Variants in ZMAT2 observed in about 807,000 individuals in gnomAD.
ZMAT2 encodes the protein zinc finger matrin-type 2.
Under a neutral mutation model 27.5 loss-of-function variants are expected in ZMAT2, and 5 were observed. The ratio of observed to expected loss-of-function variants is 0.18; its 90% CI spans 0.10 to 0.38. The LOEUF (loss-of-function observed/expected upper bound fraction) is 0.38. Among genes scored for constraint, ZMAT2 ranks in the 10% least tolerant of loss-of-function variants. ZMAT2 has a pLI of 1.00. For missense variants in ZMAT2, 124 were observed against 243.9 expected (o/e 0.51, Z 3.27); for synonymous variants, 76 against 78.6 (o/e 0.97, Z 0.17).
intron 4 of ZMAT2, 91 bp downstream of exon 4, chr5:140,704,082 A>G: frequency 4.1e-6 from 5 of 1,234,198 alleles, no homozygotes; most frequent in Non-Finnish European, 5.9e-6. Context: ...TCTTCTTTTT[A>G]CTCATCAAAA....
At chr5:140,703,865 A>G in intron 3 of ZMAT2, 53 bp from the exon 4 acceptor site, 14 of 1,556,092 alleles carry the variant, frequency 9.0e-6, no homozygotes, top group Non-Finnish European at 1.1e-5. Context: ...TTGGTTGAAA[A>G]TGATAAGATC....
At chr5:140,701,610 T>A (rs114464886) in intron 2 of ZMAT2, among the ~76,000 whole-genome samples, 138 of 152,306 alleles carry the variant, frequency 9.1e-4, no homozygotes, top group African/African-American at 3.2e-3. Context: ...TGGTCCCCTT[T>A]TATAAATTTG....
chr5:140,705,099 A>G (rs898291154), intron 5 of ZMAT2, among the ~76,000 whole-genome samples: 4 of 152,182 alleles, frequency 2.6e-5, no homozygotes, highest in African/African-American at 9.7e-5. Context: ...TACTTGAAGT[A>G]CAGTTTCAAA....
In ZMAT2 at chr5:140,701,747, C is replaced by T. The variant is rs548215329; in HGVS notation, c.113-259C>T. 1.1e-4 allele frequency among the ~76,000 whole-genome samples: 16 copies of T among 152,310 alleles called. No homozygotes were observed. In the East Asian group the frequency reaches 2.7e-3, roughly 26 times the overall value. ...TCTTCAGAAATTCTCCCCCACAATT[C>T]AGTTAATCAATGAATATAAAACATA... On this transcript the variant is annotated intron_variant, in intron 2 of 5. Transcript: ENST00000274712.
chr5:140,705,472 C>G (rs1396032230), intron 5 of ZMAT2, 141 bp from the exon 6 acceptor site: 11 of 965,194 alleles, frequency 1.1e-5, no homozygotes, highest in Non-Finnish European at 1.6e-5. Flanking sequence ...GCCTCAATAT[C>G]CCCATATTAG....
chr5:140,702,481 C>A (rs974434143), intron 3 of ZMAT2, among the ~76,000 whole-genome samples: 8 of 152,108 alleles, frequency 5.3e-5, no homozygotes, highest in African/African-American at 1.9e-4. Flanking sequence ...ATTAAAAAAA[C>A]CAAAACAAAC....
intron 4 of ZMAT2, among the ~76,000 whole-genome samples, 188 bp downstream of exon 4, chr5:140,704,179 C>G (rs1375402131): frequency 6.6e-6 from 1 of 151,998 alleles, no homozygotes; most frequent in African/African-American, 2.4e-5. Flanking sequence ...CACAGGCCGT[C>G]TTTTACTTCA....
At chr5:140,701,910 T>C in intron 2 of ZMAT2, 96 bp from the exon 3 acceptor site, 1 of 1,446,358 alleles carries the variant, frequency 6.9e-7, no homozygotes, top group Non-Finnish European at 9.3e-7. Context: ...GATTTTGAAA[T>C]GAGTAAGACC....
chr5:140,703,869 T>G, intron 3 of ZMAT2, 49 bp from the exon 4 acceptor site: 1 of 1,562,896 alleles, frequency 6.4e-7, no homozygotes, highest in Non-Finnish European at 8.8e-7. Context: ...TTGAAAATGA[T>G]AAGATCCTTA....
chr5:140,703,858 G>A, intron 3 of ZMAT2, 60 bp from the exon 4 acceptor site: 1 of 1,536,820 alleles, frequency 6.5e-7, no homozygotes, highest in Non-Finnish European at 9.0e-7. Context: ...GAGTTTCTTG[G>A]TTGAAAATGA....
chr5:140,702,252 CTATCTT>C, intron 3 of ZMAT2, 123 bp downstream of exon 3: 2 of 1,261,074 alleles, frequency 1.6e-6, no homozygotes, highest in Non-Finnish European at 2.2e-6. Flanking sequence ...GCCTGTAATT[CTATCTT>C]TATATTTGTT....
chr5:140,705,084 A>G (rs1760033798), intron 5 of ZMAT2, among the ~76,000 whole-genome samples: 1 of 152,210 alleles, frequency 6.6e-6, no homozygotes, highest in African/African-American at 2.4e-5. Flanking sequence ...CAATGGTTGT[A>G]TGGATACTTG....
chr5:140,704,420 A>G lies in ZMAT2; in HGVS notation c.311-6A>G, dbSNP rs774125440. Reference sequence around the variant, plus strand: ...ACTTGCCTTCTTCACTGTTGACCCTATGCAGATCAGAGAAACCTGGGCATG... The same window carrying G: ...ACTTGCCTTCTTCACTGTTGACCCTGTGCAGATCAGAGAAACCTGGGCATG... On this transcript the variant is annotated splice_region_variant and splice_polypyrimidine_tract_variant and intron_variant, in intron 4 of 5. Coordinates refer to ENST00000274712, the MANE Select transcript of ZMAT2 (RefSeq NM_144723.3). The G allele has an allele frequency of 1.1e-5, 18 of 1,612,782 alleles. No individual in the cohort carries two copies. In the South Asian group the frequency reaches 1.3e-4, roughly 12 times the overall value.
intron 5 of ZMAT2, among the ~76,000 whole-genome samples, chr5:140,705,098 T>C (rs147488500): frequency 2.8e-4 from 43 of 152,314 alleles, no homozygotes; most frequent in Admixed American, 7.2e-4. Flanking sequence ...ATACTTGAAG[T>C]ACAGTTTCAA....
chr5:140,703,866 T>C (rs771129982), intron 3 of ZMAT2, 52 bp from the exon 4 acceptor site: 37 of 1,557,950 alleles, frequency 2.4e-5, no homozygotes, highest in Middle Eastern at 1.7e-4. Flanking sequence ...TGGTTGAAAA[T>C]GATAAGATCC....
rs573295102 is a variant in ZMAT2 at position 140,705,773 on chromosome 5, C to T, written c.*17C>T. On this transcript the variant is annotated 3_prime_UTR_variant, in exon 6 of 6. Transcript: ENST00000274712. ...AGTTACTGAGGCTTTCTGTGCTTGG[C>T]CTGACTTTGGCCTATGCTGGACCTA... 4 of 1,612,224 alleles carry T rather than the reference C, an allele frequency of 2.5e-6. No homozygotes were observed. The highest frequency in any genetic ancestry group is 1.3e-5 in the African/African-American group (1 of 74,840).
At chr5:140,702,253 T>A in intron 3 of ZMAT2, 124 bp downstream of exon 3, 1 of 1,250,052 alleles carries the variant, frequency 8.0e-7, no homozygotes. Flanking sequence ...CCTGTAATTC[T>A]ATCTTTATAT....
At chr5:140,703,236 CTTTTCTT>C (rs1759996473) in intron 3 of ZMAT2, among the ~76,000 whole-genome samples, 1 of 148,090 alleles carries the variant, frequency 6.8e-6, no homozygotes, top group East Asian at 2.0e-4. Context: ...TTTCTTTTTT[CTTTTCTT>C]TTTTTTTTTT....
chr5:140,703,477 G>A lies in ZMAT2; in HGVS notation c.237-441G>A, dbSNP rs1370051718. ...TCGAACTCCCGACCTCAGGTGATCC[G>A]CCCGCCTCGGCCTCCCAAAGTGCTG... On this transcript the variant is annotated intron_variant, in intron 3 of 5. Coordinates refer to ENST00000274712, the MANE Select transcript of ZMAT2 (RefSeq NM_144723.3). 4.6e-5 allele frequency among the ~76,000 whole-genome samples: 7 copies of A among 151,902 alleles called. No homozygotes were observed. In the East Asian group the frequency reaches 5.8e-4, roughly 13 times the overall value.
Sources: gnomAD v4.1 joint callset for allele counts (sites outside exome capture counted in the v4.1 genomes callset) on GRCh38, gnomAD v4.1.1 for gene constraint, MANE v1.5 for transcripts, NCBI Gene and HGNC (gene_info 2026-07-23, HGNC 2026-07-21) for gene names.